NLRP11: variants seen among roughly 807,000 people sequenced by gnomAD.
NLRP11 encodes NACHT, LRR and PYD domains-containing protein 11.
NLRP11 carries 53 observed loss-of-function variants against 79.3 expected under a neutral mutation model. That is an observed-to-expected ratio of 0.67 (90% CI 0.54 to 0.84). The LOEUF is 0.84. Among genes scored for constraint, NLRP11 ranks in the 40% least tolerant of loss-of-function variants. The probability of loss-of-function intolerance (pLI) is 0.00; values close to 1 mark genes in which losing one functional copy is unlikely to be tolerated. For missense variants in NLRP11, 1,264 were observed against 1,255.0 expected, an observed-to-expected ratio of 1.01 and a Z score of -0.11; for synonymous variants, 518 against 462.6, an observed-to-expected ratio of 1.12 and a Z score of -1.54.
In NLRP11 at chr19:55,827,049, A is replaced by G. The variant is rs959916210; in HGVS notation, c.-63+4914T>C. 1.9e-3 allele frequency among the ~76,000 whole-genome samples: 281 copies of G among 146,284 alleles called. 2 individuals carry two copies. The highest frequency in any genetic ancestry group is 6.9e-3 in the African/African-American group (266 of 38,526). The stretch of plus-strand genomic sequence containing the variant: ...GCTACAGTAACCAAAACAGCATGGT[A>G]CTGGTACCAAAACAGAGATATAGAT... On this transcript the variant is annotated intron_variant, in intron 1 of 9. Transcript: ENST00000589093.
At chr19:55,817,144 C>T (rs1032568484) in intron 2 of NLRP11, among the ~76,000 whole-genome samples, 3 of 151,518 alleles carry the variant, frequency 2.0e-5, no homozygotes, top group African/African-American at 7.3e-5. Flanking sequence ...TCCCACCTTA[C>T]TCCTGCAAGA....
chr19:55,822,891 G>T (rs1282711183), intron 1 of NLRP11, among the ~76,000 whole-genome samples: 3 of 152,330 alleles, frequency 2.0e-5, no homozygotes, highest in East Asian at 1.9e-4. Context: ...CCAGGAAGCT[G>T]GAACTGGGGG....
chr19:55,793,816 T>A (rs115392056), intron 6 of NLRP11, among the ~76,000 whole-genome samples: 203 of 152,252 alleles, frequency 1.3e-3, no homozygotes, highest in African/African-American at 4.3e-3. Flanking sequence ...CTTTGTATAC[T>A]AATGCGTGCT....
chr19:55,789,001 GGT>G, intron 8 of NLRP11, 24 bp from the exon 9 acceptor site: 1 of 1,612,848 alleles, frequency 6.2e-7, no homozygotes, highest in Non-Finnish European at 8.5e-7. Context: ...GCACAGGTAA[GGT>G]GGGGCCAAAT....
intron 1 of NLRP11, among the ~76,000 whole-genome samples, chr19:55,821,019 C>T (rs1436455347): frequency 6.6e-6 from 1 of 152,158 alleles, no homozygotes; most frequent in Non-Finnish European, 1.5e-5. Flanking sequence ...AAGAGTGGCT[C>T]ACATGCCTTT....
chr19:55,792,524 C>A, intron 6 of NLRP11, 53 bp from the exon 7 acceptor site: 1 of 1,449,002 alleles, frequency 6.9e-7, no homozygotes, highest in Non-Finnish European at 9.7e-7. Context: ...GAGAGGGGAG[C>A]ACCTGAGACC....
chr19:55,827,916 G>A (rs1339786366), intron 1 of NLRP11, among the ~76,000 whole-genome samples: 13 of 151,700 alleles, frequency 8.6e-5, no homozygotes, highest in Non-Finnish European at 1.5e-4. Flanking sequence ...CCATTACTGG[G>A]TATATACCCA....
At chr19:55,808,078 T>C in intron 3 of NLRP11, 64 bp from the exon 4 acceptor site, 3 of 1,143,744 alleles carry the variant, frequency 2.6e-6, no homozygotes, top group Non-Finnish European at 2.5e-6. Flanking sequence ...TTGTAAAACA[T>C]GTAAATTAAA....
At chr19:55,787,654 A>G (rs1989964311) in intron 9 of NLRP11, among the ~76,000 whole-genome samples, 1 of 152,142 alleles carries the variant, frequency 6.6e-6, no homozygotes, top group South Asian at 2.1e-4. Flanking sequence ...CTTCTATCCA[A>G]TAGGCAAATA....
At position 55,819,939 on chromosome 19, in the gene NLRP11, G is replaced by C. The variant is rs189227105; in HGVS notation, c.-62-1703C>G. 3.3e-4 allele frequency among the ~76,000 whole-genome samples: 50 copies of C among 152,224 alleles called. 1 individual carries two copies. The highest frequency in any genetic ancestry group is 4.6e-4 in the Admixed American group (7 of 15,292). ...CTATGTTAGAAGATAGAGCCACTGGGTTGGATCTGACTCCATCGTGGCCAT... is the reference window on the plus strand; with the variant it reads ...CTATGTTAGAAGATAGAGCCACTGGCTTGGATCTGACTCCATCGTGGCCAT... On this transcript the variant is annotated intron_variant, in intron 1 of 9. Transcript: ENST00000589093.
intron 5 of NLRP11, among the ~76,000 whole-genome samples, 157 bp from the exon 6 acceptor site, chr19:55,796,407 C>CCACT (rs1978878288): frequency 6.6e-6 from 1 of 151,992 alleles, no homozygotes; most frequent in African/African-American, 2.4e-5. Flanking sequence ...TCTCCCTATG[C>CCACT]CACTCCTCAG....
chr19:55,820,986 C>CG (rs201487301), intron 1 of NLRP11, among the ~76,000 whole-genome samples: 2 of 152,238 alleles, frequency 1.3e-5, no homozygotes, highest in East Asian at 3.9e-4. Context: ...AAGGCACCCC[C>CG]CACCCACATT....
At position 55,796,774 on chromosome 19, in the gene NLRP11, C is replaced by T. The variant is rs534520705; in HGVS notation, c.2172-524G>A. 1.2e-3 allele frequency among the ~76,000 whole-genome samples: 185 copies of T among 151,986 alleles called. 1 individual carries two copies. The highest frequency in any genetic ancestry group is 2.0e-3 in the Non-Finnish European group (135 of 67,980). On this transcript the variant is annotated intron_variant, in intron 5 of 9. Transcript: ENST00000589093. The stretch of plus-strand genomic sequence containing the variant: ...CGATCTCGGCTCACTGCAACCTCTG[C>T]CTCCCGGGTTTTTAAGCGATTCTCC...
rs115948926 is a variant in NLRP11, at chr19:55,816,390, C to T, written c.271+1514G>A. On this transcript the variant is annotated intron_variant, in intron 2 of 9. Transcript: ENST00000589093. ...GTCCTCAGTTTAGCTCTAATAATTG[C>T]TTTATGTAAGAGAGACTCTAACACA... is the stretch of plus-strand genomic sequence containing the variant. Among the ~76,000 whole-genome samples, 215 of 152,308 alleles carry T rather than the reference C, an allele frequency of 1.4e-3. 1 individual carries two copies. Among genetic ancestry groups the T allele is most frequent in the African/African-American group, 5.0e-3 (206 of 41,570 alleles).
intron 7 of NLRP11, among the ~76,000 whole-genome samples, chr19:55,791,329 A>T (rs1276403924): frequency 6.6e-6 from 1 of 152,218 alleles, no homozygotes; most frequent in African/African-American, 2.4e-5. Context: ...AGCTTTCCCT[A>T]AACTGCCTTG....
upstream of NLRP11, among the ~76,000 whole-genome samples, chr19:55,836,107 G>T (rs1212271369): frequency 6.6e-6 from 1 of 152,208 alleles, no homozygotes; most frequent in East Asian, 1.9e-4. Context: ...CTGGGTGACC[G>T]AGTGAGACCG....
chr19:55,829,952 C>T (rs368592220), intron 1 of NLRP11, among the ~76,000 whole-genome samples: 1 of 152,182 alleles, frequency 6.6e-6, no homozygotes, highest in African/African-American at 2.4e-5. Flanking sequence ...ATATTGATTG[C>T]ATTCATGACA....
chr19:55,801,108 G>A (rs901893177), intron 5 of NLRP11: 1 of 152,334 alleles, frequency 6.6e-6, no homozygotes, highest in Non-Finnish European at 1.5e-5. Context: ...GAACCTGGAA[G>A]TCAGAGGTTG....
intron 5 of NLRP11, among the ~76,000 whole-genome samples, chr19:55,797,344 C>T (rs910039387): frequency 1.2e-3 from 189 of 152,254 alleles, no homozygotes; most frequent in Non-Finnish European, 1.7e-3. Flanking sequence ...AGTGATCTTT[C>T]CCCAGATAGC....
Sources: gnomAD v4.1 joint callset for allele counts (sites outside exome capture counted in the v4.1 genomes callset) on GRCh38, gnomAD v4.1.1 for gene constraint, MANE v1.5 for transcripts, NCBI Gene and HGNC (gene_info 2026-07-23, HGNC 2026-07-21) for gene names.